The following MPHOSPH6 variants were observed in gnomAD, a reference collection of about 807,000 sequenced individuals.
MPHOSPH6 encodes the protein M-phase phosphoprotein 6.
MPHOSPH6 carries 25 observed loss-of-function variants against 21.8 expected under a neutral mutation model. That is an observed-to-expected ratio of 1.15 (90% CI 0.83 to 1.60). The LOEUF (loss-of-function observed/expected upper bound fraction) is 1.60, where lower values mean the gene tolerates loss of function less well. Ranked by LOEUF, MPHOSPH6 falls within the 40% of genes most tolerant of loss-of-function variation. The pLI is 0.00. For synonymous variants in MPHOSPH6, 84 were observed against 56.5 expected (o/e 1.49, Z -2.18); for missense variants, 269 against 181.8 (o/e 1.48, Z -2.76).
chr16:82,156,252 G>GT (rs1320379375), intron 2 of MPHOSPH6, among the ~76,000 whole-genome samples: 1 of 152,106 alleles, frequency 6.6e-6, no homozygotes, highest in African/African-American at 2.4e-5. Flanking sequence ...ACAGATGTAT[G>GT]TAAGTTTTGT....
At chr16:82,161,501 G>C (rs1160221897) in intron 2 of MPHOSPH6, among the ~76,000 whole-genome samples, 1 of 152,072 alleles carries the variant, frequency 6.6e-6, no homozygotes. Flanking sequence ...CCATATCCTT[G>C]GGGAAAAAAA....
chr16:82,148,181 A>T lies in MPHOSPH6; in HGVS notation c.*550T>A, dbSNP rs1280334392. ...AAAAAGTATGTGAAAGTAGATTTTT[A>T]TTACAGAGCAAATTTTTCTATCAAT... is the stretch of plus-strand genomic sequence containing the variant. On this transcript the variant is annotated 3_prime_UTR_variant, in exon 5 of 5. Coordinates refer to ENST00000258169, the MANE Select transcript of MPHOSPH6 (RefSeq NM_005792.2). The T allele has an allele frequency of 2.0e-5, 3 of 152,258 alleles. No individual in the cohort carries two copies. In the East Asian group the frequency reaches 5.8e-4, roughly 29 times the overall value. The allele number at this position is 152,258 out of a possible 1,614,324, so 9.4% of individuals were successfully genotyped here.
rs2303260 is a variant in MPHOSPH6 at position 82,170,181 on chromosome 16, C to T, written c.-6G>A. 6.7e-4 allele frequency: 1,053 copies of T among 1,581,744 alleles called. 18 individuals are homozygous for T. In the East Asian group the frequency reaches 0.022, roughly 34 times the overall value. ...GTCTTTCGCTCGGCCGCCATGGTAG[C>T]TTCCGCCCAGCGCCGCACTCCGGCC... On this transcript the variant is annotated 5_prime_UTR_variant, in exon 1 of 5. Coordinates refer to ENST00000258169, the MANE Select transcript of MPHOSPH6 (RefSeq NM_005792.2).
intron 1 of MPHOSPH6, chr16:82,167,707 G>A (rs1389027730): frequency 6.6e-6 from 1 of 152,272 alleles, no homozygotes; most frequent in East Asian, 1.9e-4. Flanking sequence ...CTGATCCTAG[G>A]AGAATCTAGG....
chr16:82,154,187 G>C (rs1906356378), intron 2 of MPHOSPH6, among the ~76,000 whole-genome samples: 1 of 152,186 alleles, frequency 6.6e-6, no homozygotes, highest in African/African-American at 2.4e-5. Context: ...ACAGAGCAAG[G>C]AAATGTTTGA....
intron 1 of MPHOSPH6, chr16:82,167,716 G>A (rs759673628): frequency 6.6e-6 from 1 of 152,254 alleles, no homozygotes. Flanking sequence ...GGAGAATCTA[G>A]GATTCTGCCA....
At chr16:82,151,078 G>A (rs758760624) in intron 3 of MPHOSPH6, 18 of 164,890 alleles carry the variant, frequency 1.1e-4, no homozygotes, top group African/African-American at 1.4e-4. Context: ...ACATTTTTCC[G>A]TTAGAAAAAA....
At chr16:82,156,754 T>C (rs925621424) in intron 2 of MPHOSPH6, among the ~76,000 whole-genome samples, 1 of 152,210 alleles carries the variant, frequency 6.6e-6, no homozygotes, top group Non-Finnish European at 1.5e-5. Context: ...ATGAATGTCA[T>C]ACCAGCTTTA....
chr16:82,152,518 C>T (rs1323069957), intron 2 of MPHOSPH6, among the ~76,000 whole-genome samples: 1 of 152,126 alleles, frequency 6.6e-6, no homozygotes, highest in Non-Finnish European at 1.5e-5. Context: ...ATCTGTGACA[C>T]AAAGAGCCAG....
Position 82,148,793 on chromosome 16 carries a change from C to T in MPHOSPH6, c.421G>A (p.Asp141Asn), listed in dbSNP as rs759131847. 7 of 1,614,138 alleles carry T rather than the reference C, an allele frequency of 4.3e-6. No homozygotes were observed. In the East Asian group the frequency reaches 1.1e-4, roughly 26 times the overall value. ...RKRDHANYEEDENGDITPIKA... is the reference protein window; with the variant it reads ...RKRDHANYEENENGDITPIKA... ...ATTGGTGTTATGTCTCCATTTTCATCTTCTTCATAATTGGCATGGTCTCTC... is the reference window on the plus strand; with the variant it reads ...ATTGGTGTTATGTCTCCATTTTCATTTTCTTCATAATTGGCATGGTCTCTC... Residue 141 changes from aspartate (D) to asparagine (N), a missense_variant, in exon 5 of 5, where the codon GAT becomes AAT. Physicochemically the swap from Asp to Asn is conservative, Grantham distance 23 (BLOSUM62 1). Transcript: ENST00000258169.
At chr16:82,152,197 A>C (rs545421190) in intron 2 of MPHOSPH6, among the ~76,000 whole-genome samples, 4 of 152,316 alleles carry the variant, frequency 2.6e-5, no homozygotes, top group African/African-American at 9.6e-5. Flanking sequence ...TGGTGCACTT[A>C]TACACAGATT....
At chr16:82,155,763 G>A (rs1174554299) in intron 2 of MPHOSPH6, among the ~76,000 whole-genome samples, 5 of 152,124 alleles carry the variant, frequency 3.3e-5, no homozygotes, top group Non-Finnish European at 5.9e-5. Context: ...AATTAGCCGG[G>A]TGTGGTGGGG....
chr16:82,149,296 G>C lies in MPHOSPH6; in HGVS notation c.350+13C>G, dbSNP rs202111053. ...TAGGTCCAGATTAGAAGGCTGCTGC[G>C]CAGCACGGTTACCTTCTAGCCATCT... On this transcript the variant is annotated intron_variant, in intron 4 of 4. Coordinates refer to ENST00000258169, the MANE Select transcript of MPHOSPH6 (RefSeq NM_005792.2). 1.9e-6 allele frequency: 3 copies of C among 1,611,584 alleles called. No homozygotes were observed.
At chr16:82,149,247 A>G (rs1906184869) in intron 4 of MPHOSPH6, 62 bp downstream of exon 4, 4 of 1,526,344 alleles carry the variant, frequency 2.6e-6, no homozygotes, top group Non-Finnish European at 3.6e-6. Flanking sequence ...TAAGAGGAGC[A>G]TTCCTGGGAG....
chr16:82,151,597 C>A, intron 2 of MPHOSPH6, 83 bp from the exon 3 acceptor site: 1 of 1,454,710 alleles, frequency 6.9e-7, no homozygotes, highest in South Asian at 1.6e-5. Context: ...AAAAAATAAT[C>A]AACCTATGGT....
At position 82,152,028 on chromosome 16, in the gene MPHOSPH6, G is replaced by T. The variant is rs186084648; in HGVS notation, c.165-514C>A. The stretch of plus-strand genomic sequence containing the variant: ...AATTATCAAAGCAGCACATTTTAAG[G>T]AACGTAATTTGGAAAGCAGAATAAA... On this transcript the variant is annotated intron_variant, in intron 2 of 4. Transcript: ENST00000258169. Among the ~76,000 whole-genome samples the T allele has an allele frequency of 1.4e-3, 212 of 152,278 alleles. 1 individual carries two copies. The highest frequency in any genetic ancestry group is 1.8e-3 in the Non-Finnish European group (121 of 68,022).
intron 2 of MPHOSPH6, among the ~76,000 whole-genome samples, chr16:82,156,697 T>C (rs896103464): frequency 6.6e-6 from 1 of 152,116 alleles, no homozygotes; most frequent in African/African-American, 2.4e-5. Flanking sequence ...AAAGTACAAT[T>C]CCACAGTTAC....
intron 4 of MPHOSPH6, 132 bp from the exon 5 acceptor site, chr16:82,148,995 C>T (rs983227594): frequency 2.5e-6 from 3 of 1,198,188 alleles, no homozygotes; most frequent in African/African-American, 1.5e-5. Flanking sequence ...AAGAAACCAT[C>T]TGATTTAACA....
At chr16:82,166,072 T>C (rs35865749) in intron 1 of MPHOSPH6, among the ~76,000 whole-genome samples, 98,845 of 151,910 alleles carry the variant, frequency 0.65, 34,263 homozygotes, top group East Asian at 0.78. Context: ...GCGTGTAAAA[T>C]GGTGAAATCT....
Sources: gnomAD v4.1 joint callset for allele counts (sites outside exome capture counted in the v4.1 genomes callset) on GRCh38, gnomAD v4.1.1 for gene constraint, MANE v1.5 for transcripts, NCBI Gene and HGNC (gene_info 2026-07-23, HGNC 2026-07-21) for gene names.